Variants in GTF2I observed in about 807,000 individuals in gnomAD.
The protein encoded by GTF2I is general transcription factor IIi.
A neutral mutation model predicts 67.6 loss-of-function variants in GTF2I; 12 were observed. That is an observed-to-expected ratio of 0.18 (90% CI 0.11 to 0.29). The LOEUF is 0.29. GTF2I is among the 10% of genes least tolerant of loss of function. The pLI is 1.00. For missense variants in GTF2I, 271 were observed against 580.1 expected, an observed-to-expected ratio of 0.47 and a Z score of 5.47; for synonymous variants, 149 against 197.0, an observed-to-expected ratio of 0.76 and a Z score of 2.04.
intron 12 of GTF2I, among the ~76,000 whole-genome samples, chr7:74,723,847 A>G (rs1396471134): frequency 6.6e-6 from 1 of 151,778 alleles, no homozygotes; most frequent in African/African-American, 2.4e-5. Flanking sequence ...TATGTTGAGA[A>G]AAGGGGGAAA....
At chr7:74,708,700 G>A (rs1273545091) in intron 8 of GTF2I, among the ~76,000 whole-genome samples, 2 of 152,176 alleles carry the variant, frequency 1.3e-5, no homozygotes, top group Admixed American at 1.3e-4. Flanking sequence ...CTCACATGGA[G>A]CCAGCTGCTA....
At chr7:74,671,774 G>C (rs921904122) in intron 1 of GTF2I, among the ~76,000 whole-genome samples, 4 of 151,952 alleles carry the variant, frequency 2.6e-5, no homozygotes, top group African/African-American at 4.8e-5. Context: ...TTGAGCACGG[G>C]AGTTTGACAC....
intron 1 of GTF2I, among the ~76,000 whole-genome samples, chr7:74,660,704 C>T (rs1434311821): frequency 6.6e-6 from 1 of 150,882 alleles, no homozygotes; most frequent in African/African-American, 2.4e-5. Context: ...TCACTGCAAC[C>T]TCCGCCTCCC....
intron 7 of GTF2I, among the ~76,000 whole-genome samples, chr7:74,705,718 T>C (rs1009517266): frequency 5.3e-5 from 8 of 151,984 alleles, no homozygotes; most frequent in Non-Finnish European, 1.0e-4. Flanking sequence ...TGTGCCACCA[T>C]GCCCAGCTAA....
intron 8 of GTF2I, among the ~76,000 whole-genome samples, chr7:74,708,770 T>C (rs971775957): frequency 2.0e-5 from 3 of 152,062 alleles, no homozygotes; most frequent in Admixed American, 2.0e-4. Flanking sequence ...GAGACATCAG[T>C]TTTGTGGGTG....
At chr7:74,694,605 G>A in intron 3 of GTF2I, among the ~76,000 whole-genome samples, 1 of 152,130 alleles carries the variant, frequency 6.6e-6, no homozygotes, top group Non-Finnish European at 1.5e-5. Flanking sequence ...AGGAAAGACA[G>A]AGTCTCTATA....
intron 12 of GTF2I, chr7:74,727,401 C>G (rs1554405940): frequency 6.6e-6 from 1 of 152,232 alleles, no homozygotes; most frequent in East Asian, 1.9e-4. Context: ...GCATTTCTTA[C>G]CTTTATGAGA....
chr7:74,731,230 CTATT>C (rs1273763218), intron 14 of GTF2I, among the ~76,000 whole-genome samples: 3 of 142,254 alleles, frequency 2.1e-5, no homozygotes, highest in Non-Finnish European at 4.6e-5. Context: ...ATTTGGATGA[CTATT>C]TACTTTGCCA....
chr7:74,696,968 A>G (rs1788984317), intron 3 of GTF2I, among the ~76,000 whole-genome samples: 1 of 152,240 alleles, frequency 6.6e-6, no homozygotes. Context: ...AAAAAGTATC[A>G]TGTGAGTCTC....
At chr7:74,671,518 T>C (rs1805455145) in intron 1 of GTF2I, among the ~76,000 whole-genome samples, 1 of 152,082 alleles carries the variant, frequency 6.6e-6, no homozygotes, top group Non-Finnish European at 1.5e-5. Context: ...TATAAAGCTT[T>C]AAGTACGAAT....
intron 1 of GTF2I, among the ~76,000 whole-genome samples, chr7:74,663,036 A>C (rs1804661377): frequency 6.6e-6 from 1 of 152,056 alleles, no homozygotes; most frequent in African/African-American, 2.4e-5. Context: ...CATCTAAAGG[A>C]GCTGAACACT....
At chr7:74,664,347 A>G (rs1249167392) in intron 1 of GTF2I, among the ~76,000 whole-genome samples, 1 of 152,060 alleles carries the variant, frequency 6.6e-6, no homozygotes, top group Non-Finnish European at 1.5e-5. Context: ...ACTTTGGCCT[A>G]CTGAGAAAGT....
At chr7:74,721,408 A>G (rs1324901850) in intron 12 of GTF2I, among the ~76,000 whole-genome samples, 3 of 152,232 alleles carry the variant, frequency 2.0e-5, no homozygotes, top group African/African-American at 7.2e-5. Flanking sequence ...GTGATTAAGT[A>G]GTAGAATTTT....
chr7:74,688,965 G>A lies in GTF2I; in HGVS notation c.-5-159G>A, dbSNP rs1276903766. 8.6e-6 allele frequency: 5 copies of A among 578,738 alleles called. No individual in the cohort carries two copies. The African/African-American group carries it at 9.4e-5, about 11-fold the overall frequency. 35.9% of individuals were successfully genotyped at this position (578,738 alleles called of 1,614,324 possible). The stretch of plus-strand genomic sequence containing the variant: ...GGGGATAGATTCTTTATCTTATGAG[G>A]GTTTGGGCAAGTCAAATACTTAGTT... On this transcript the variant is annotated intron_variant, in intron 1 of 34. Coordinates refer to ENST00000573035, the MANE Select transcript of GTF2I (RefSeq NM_032999.4).
chr7:74,673,520 T>TA (rs1805634551), intron 1 of GTF2I, among the ~76,000 whole-genome samples: 1 of 151,768 alleles, frequency 6.6e-6, no homozygotes, highest in Non-Finnish European at 1.5e-5. Flanking sequence ...TAGCTGGAAT[T>TA]ACAGGCATGC....
chr7:74,670,710 C>CAAAAAAAAAAAAAAAAAAAAAAAAAAA (rs75928280), intron 1 of GTF2I, among the ~76,000 whole-genome samples: 1 of 126,398 alleles, frequency 7.9e-6, no homozygotes, highest in Non-Finnish European at 1.7e-5. Context: ...AAAAAAAAAA[C>CAAAAAAAAAAAAAAAAAAAAAAAAAAA]AAAAAAAAAA....
chr7:74,691,086 T>C lies in GTF2I; in HGVS notation c.213T>C (p.Asp71=). ...GTGCTTTTGTCAATACCAGAAAGGA[T>C]TTTCAAAAAGATTTTGTAAAATATT... ...RGRAFVNTRK[D]FQKDFVKYCV... is the part of the protein sequence containing the mutation. The change falls in exon 3 of 35, where the codon GAT becomes GAC. Residue 71 remains aspartate (D), a synonymous_variant. Transcript: ENST00000573035. The C allele has an allele frequency of 1.2e-6, 2 of 1,607,444 alleles. No homozygotes were observed. Among genetic ancestry groups the C allele is most frequent in the East Asian group, 2.2e-5 (1 of 44,858 alleles).
chr7:74,705,214 G>A lies in GTF2I; in HGVS notation c.637G>A (p.Gly213Arg). The A allele has an allele frequency of 6.3e-7, 1 of 1,591,222 alleles. No homozygotes were observed. The highest frequency in any genetic ancestry group is 8.6e-7 in the Non-Finnish European group (1 of 1,159,942). The change falls in exon 7 of 35, where the codon GGA becomes AGA. Residue 213 changes from glycine to arginine, a missense_variant. Transcript: ENST00000573035. ...TGACAGGTCAATACTATCTCCAGGT[G>A]GAAGGTAAAACCTAATTTCATTACT... ...DADRSILSPG[G>R]SCGPIKVKTE... is the part of the protein sequence containing the mutation.
At chr7:74,658,711 A>C (rs1164131277) in intron 1 of GTF2I, among the ~76,000 whole-genome samples, 2 of 150,456 alleles carry the variant, frequency 1.3e-5, no homozygotes, top group South Asian at 4.2e-4. Context: ...TGGAGTCCGC[A>C]GTGGGCTTTG....
Sources: allele counts gnomAD v4.1 joint callset (sites outside exome capture counted in the v4.1 genomes callset), GRCh38; gene constraint gnomAD v4.1.1; transcripts MANE v1.5; gene names NCBI Gene and HGNC (gene_info 2026-07-23, HGNC 2026-07-21).